Variants in SYNDIG1 observed in about 807,000 individuals in gnomAD.
The protein encoded by SYNDIG1 is synapse differentiation-inducing gene protein 1.
In SYNDIG1, 9 loss-of-function variants were observed where a neutral mutation model predicts 19.4. That is an observed-to-expected ratio of 0.46 (90% CI 0.28 to 0.81). SYNDIG1 has a LOEUF of 0.81. Ranked by LOEUF, SYNDIG1 falls within the 30% of genes least tolerant of loss-of-function variation. The pLI is 0.12. For synonymous variants in SYNDIG1, 141 were observed against 145.9 expected, an observed-to-expected ratio of 0.97 and a Z score of 0.24; for missense variants, 311 against 343.3, an observed-to-expected ratio of 0.91 and a Z score of 0.74.
At chr20:24,585,632 T>A (rs553484165) in intron 3 of SYNDIG1, among the ~76,000 whole-genome samples, 47 of 152,298 alleles carry the variant, frequency 3.1e-4, no homozygotes, top group African/African-American at 1.1e-3. Flanking sequence ...CATTTTGAAA[T>A]ATTTGGAAGG....
rs539723787 is a variant in SYNDIG1, at chr20:24,567,474, A to C, written c.481-17382A>C. 4.6e-4 allele frequency among the ~76,000 whole-genome samples: 70 copies of C among 152,296 alleles called. 2 individuals are homozygous for C. Among genetic ancestry groups the C allele is most frequent in the Admixed American group, 4.3e-3 (66 of 15,302 alleles). On this transcript the variant is annotated intron_variant, in intron 2 of 3. Transcript: ENST00000376862. ...CATCCCCAGCATCTCCACTCTCCCC[A>C]GGATGGTAAGCCACTCTCCTGGGTC...
At chr20:24,655,446 G>A (rs6049834) in intron 3 of SYNDIG1, among the ~76,000 whole-genome samples, 93,945 of 152,036 alleles carry the variant, frequency 0.62, 29,690 homozygotes, top group African/African-American at 0.73. Context: ...CACAATAGTC[G>A]GTCAGTGATA....
chr20:24,590,458 C>T (rs1463311769), intron 3 of SYNDIG1, among the ~76,000 whole-genome samples: 3 of 152,036 alleles, frequency 2.0e-5, no homozygotes, highest in Non-Finnish European at 4.4e-5. Flanking sequence ...CACATGCTCC[C>T]GGGAGCCTTC....
chr20:24,665,152 G>T (rs1372218775), intron 3 of SYNDIG1, among the ~76,000 whole-genome samples, 194 bp from the exon 4 acceptor site: 1 of 152,148 alleles, frequency 6.6e-6, no homozygotes, highest in African/African-American at 2.4e-5. Flanking sequence ...AGCAGCAGCA[G>T]GCCCCAGCCC....
intron 3 of SYNDIG1, among the ~76,000 whole-genome samples, chr20:24,627,101 G>T (rs1335420777): frequency 2.6e-5 from 4 of 151,036 alleles, no homozygotes; most frequent in African/African-American, 9.7e-5. Context: ...GGGAGAGGGG[G>T]ACCGTGGGGA....
chr20:24,470,150 G>C (rs1225843888), intron 1 of SYNDIG1, among the ~76,000 whole-genome samples: 2 of 152,204 alleles, frequency 1.3e-5, no homozygotes, highest in Non-Finnish European at 1.5e-5. Context: ...CTGCCCAGCA[G>C]GGCCATGAGG....
intron 1 of SYNDIG1, among the ~76,000 whole-genome samples, chr20:24,503,023 C>T (rs1190729805): frequency 6.6e-6 from 1 of 152,214 alleles, no homozygotes; most frequent in Non-Finnish European, 1.5e-5. Context: ...ATCACACTTC[C>T]AAGTTTCAAG....
At chr20:24,530,688 A>C (rs979162053) in intron 1 of SYNDIG1, among the ~76,000 whole-genome samples, 2 of 152,190 alleles carry the variant, frequency 1.3e-5, no homozygotes, top group African/African-American at 4.8e-5. Flanking sequence ...ATGCCTTGAC[A>C]AATTGAGCTG....
At chr20:24,476,093 T>G (rs1455059853) in intron 1 of SYNDIG1, among the ~76,000 whole-genome samples, 1 of 151,374 alleles carries the variant, frequency 6.6e-6, no homozygotes, top group East Asian at 2.0e-4. Context: ...ACTCCTGACC[T>G]TAAGTGATCT....
rs1270000119 is a variant in SYNDIG1 at position 24,558,792 on chromosome 20, T to C, written c.480+15215T>C. Among the ~76,000 whole-genome samples, 7 of 152,336 alleles carry C rather than the reference T, an allele frequency of 4.6e-5. No homozygotes were observed. In the East Asian group the frequency reaches 1.2e-3, roughly 25 times the overall value. On this transcript the variant is annotated intron_variant, in intron 2 of 3. Transcript: ENST00000376862. ...GTGCTAACTTCATTCCAGTAAAATA[T>C]AGAAACCGCACTCCAGTACAGCCCA... is the stretch of plus-strand genomic sequence containing the variant.
At chr20:24,604,090 A>G (rs962656747) in intron 3 of SYNDIG1, among the ~76,000 whole-genome samples, 1 of 152,078 alleles carries the variant, frequency 6.6e-6, no homozygotes, top group Non-Finnish European at 1.5e-5. Context: ...TGTCACAAAG[A>G]CAGACTTCTT....
At chr20:24,591,494 G>A (rs2058511688) in intron 3 of SYNDIG1, among the ~76,000 whole-genome samples, 1 of 151,832 alleles carries the variant, frequency 6.6e-6, no homozygotes, top group South Asian at 2.1e-4. Context: ...AGTGAGAAAT[G>A]GGATGCTATT....
chr20:24,585,084 G>A (rs1600686586), intron 3 of SYNDIG1, 91 bp downstream of exon 3: 6 of 1,510,722 alleles, frequency 4.0e-6, no homozygotes, highest in East Asian at 2.3e-5. Flanking sequence ...GAGAAGCAAG[G>A]AAGCCCAAAC....
intron 3 of SYNDIG1, among the ~76,000 whole-genome samples, chr20:24,650,495 T>C (rs577916888): frequency 2.0e-5 from 3 of 152,138 alleles, no homozygotes; most frequent in Admixed American, 6.5e-5. Context: ...ATGAAACAAA[T>C]GGTTTGCAGA....
chr20:24,568,927 G>A (rs1050312309), intron 2 of SYNDIG1, among the ~76,000 whole-genome samples: 1 of 152,174 alleles, frequency 6.6e-6, no homozygotes, highest in Non-Finnish European at 1.5e-5. Context: ...CTCAGAGATG[G>A]TGCACGTCCG....
intron 1 of SYNDIG1, among the ~76,000 whole-genome samples, chr20:24,506,395 T>C (rs1311964583): frequency 6.6e-6 from 1 of 152,120 alleles, no homozygotes; most frequent in Non-Finnish European, 1.5e-5. Flanking sequence ...CCACTCCAGG[T>C]TTAGGAGACA....
At chr20:24,607,360 CAA>C (rs59085965) in intron 3 of SYNDIG1, among the ~76,000 whole-genome samples, 4,566 of 107,392 alleles carry the variant, frequency 0.043, 101 homozygotes, top group African/African-American at 0.083. Flanking sequence ...GACTCCGTCT[CAA>C]AAAAAAAAAA....
chr20:24,626,710 G>A (rs1246244327), intron 3 of SYNDIG1, among the ~76,000 whole-genome samples: 1 of 152,260 alleles, frequency 6.6e-6, no homozygotes, highest in Admixed American at 6.5e-5. Context: ...GGCACTTTGG[G>A]GGGCCAAGGC....
At chr20:24,496,260 G>A (rs867214870) in intron 1 of SYNDIG1, among the ~76,000 whole-genome samples, 5 of 152,254 alleles carry the variant, frequency 3.3e-5, no homozygotes, top group African/African-American at 1.2e-4. Context: ...TGTCCGTTCC[G>A]CCAGCTGTGG....
Sources: gnomAD v4.1 joint callset for allele counts (sites outside exome capture counted in the v4.1 genomes callset) on GRCh38, gnomAD v4.1.1 for gene constraint, MANE v1.5 for transcripts, NCBI Gene and HGNC (gene_info 2026-07-23, HGNC 2026-07-21) for gene names.